Variants in GABRA2 observed in about 807,000 individuals in gnomAD.
The protein encoded by GABRA2 is gamma-aminobutyric acid receptor subunit alpha-2.
A neutral mutation model predicts 48.7 loss-of-function variants in GABRA2; 16 were observed. The ratio of observed to expected loss-of-function variants is 0.33; its 90% CI spans 0.22 to 0.50. The LOEUF (loss-of-function observed/expected upper bound fraction) is 0.50. Ranked by LOEUF, GABRA2 falls within the 20% of genes least tolerant of loss-of-function variation. The pLI, the probability that GABRA2 is intolerant of heterozygous loss-of-function variation, is 0.98. For missense variants in GABRA2, 275 were observed against 535.6 expected (o/e 0.51, Z 4.80); for synonymous variants, 185 against 184.5 (o/e 1.00, Z -0.02).
In GABRA2 at chr4:46,243,612, T is replaced by A. The variant is rs1247264739; in HGVS notation, c.*6696A>T. On this transcript the variant is annotated 3_prime_UTR_variant, in exon 10 of 10. Transcript: ENST00000381620. ...TAGCATTAATTTGCATGTGATTAGT[T>A]AGGAATTTTTTAAACAGCAAGCATG... is the stretch of plus-strand genomic sequence containing the variant. 4 of 151,554 alleles carry A rather than the reference T, an allele frequency of 2.6e-5. No individual in the cohort carries two copies. Among genetic ancestry groups the A allele is most frequent in the African/African-American group, 9.7e-5 (4 of 41,406 alleles). 9.4% of individuals were successfully genotyped at this position (151,554 alleles called of 1,614,324 possible). A position where few individuals can be genotyped will look rare whatever the true frequency, so the allele number is the denominator to read the frequency against.
chr4:46,279,915 A>T (rs1315440353), intron 8 of GABRA2, among the ~76,000 whole-genome samples: 1 of 152,118 alleles, frequency 6.6e-6, no homozygotes, highest in Non-Finnish European at 1.5e-5. Context: ...TAGATTATAT[A>T]AGTAGTACTT....
intron 8 of GABRA2, among the ~76,000 whole-genome samples, chr4:46,270,038 C>T (rs1022095534): frequency 1.3e-5 from 2 of 151,730 alleles, no homozygotes; most frequent in Non-Finnish European, 2.9e-5. Context: ...AATGTAAGCC[C>T]AAATTATGGC....
chr4:46,289,727 T>C (rs73131372), intron 8 of GABRA2, among the ~76,000 whole-genome samples: 7,715 of 151,898 alleles, frequency 0.051, 665 homozygotes, highest in African/African-American at 0.18. Flanking sequence ...ACTAAGAAAA[T>C]CAATTGTCCG....
intron 8 of GABRA2, among the ~76,000 whole-genome samples, chr4:46,271,205 C>T (rs1719267738): frequency 6.6e-6 from 1 of 151,880 alleles, no homozygotes; most frequent in Admixed American, 6.6e-5. Context: ...ATACCACCTG[C>T]TGGTTATTGC....
intron 3 of GABRA2, among the ~76,000 whole-genome samples, chr4:46,359,779 T>C (rs956817080): frequency 6.6e-6 from 1 of 152,006 alleles, no homozygotes; most frequent in African/African-American, 2.4e-5. Context: ...TAGCCGGGCA[T>C]GGAGGTGGGT....
At chr4:46,298,114 C>G (rs1725083837) in intron 8 of GABRA2, among the ~76,000 whole-genome samples, 1 of 152,024 alleles carries the variant, frequency 6.6e-6, no homozygotes, top group African/African-American at 2.4e-5. Context: ...ATTATTTCAA[C>G]CTTCTAAAAT....
intron 3 of GABRA2, among the ~76,000 whole-genome samples, chr4:46,384,400 A>T (rs1236969244): frequency 6.6e-6 from 1 of 152,226 alleles, no homozygotes; most frequent in Non-Finnish European, 1.5e-5. Context: ...AGGTAATGTA[A>T]ATCTCTATTT....
intron 4 of GABRA2, among the ~76,000 whole-genome samples, chr4:46,316,227 C>T (rs1468183051): frequency 6.6e-6 from 1 of 151,844 alleles, no homozygotes; most frequent in Non-Finnish European, 1.5e-5. Context: ...TATTCTTGTT[C>T]AACACTTGTA....
At chr4:46,268,664 T>G in intron 8 of GABRA2, among the ~76,000 whole-genome samples, 1 of 152,048 alleles carries the variant, frequency 6.6e-6, no homozygotes, top group Admixed American at 6.6e-5. Flanking sequence ...AATTACCATA[T>G]GATCCAGCAA....
rs545818341 is a variant in GABRA2, at chr4:46,249,505, T to G, written c.*803A>C. 1 of 151,602 alleles carries G rather than the reference T, an allele frequency of 6.6e-6. No individual in the cohort carries two copies. Among genetic ancestry groups the G allele is most frequent in the African/African-American group, 2.4e-5 (1 of 41,464 alleles). The allele number at this position is 151,602 out of a possible 1,614,324, so 9.4% of individuals were successfully genotyped here. On this transcript the variant is annotated 3_prime_UTR_variant, in exon 10 of 10. Transcript: ENST00000381620. ...GTCTCCAGCACCCGTAAAATTTAGC[T>G]GATCAATTTCAATACAACACATACC... is the stretch of plus-strand genomic sequence containing the variant.
intron 3 of GABRA2, among the ~76,000 whole-genome samples, chr4:46,373,414 C>T (rs1323003074): frequency 1.3e-5 from 2 of 152,160 alleles, no homozygotes; most frequent in African/African-American, 4.8e-5. Context: ...ATATTCTCCT[C>T]ACTACTACAT....
chr4:46,275,756 A>G (rs1472108647), intron 8 of GABRA2, among the ~76,000 whole-genome samples: 4 of 152,126 alleles, frequency 2.6e-5, no homozygotes, highest in African/African-American at 9.7e-5. Flanking sequence ...GATTTCTTAT[A>G]GCTCCTTGAG....
At chr4:46,270,454 G>A (rs1285473854) in intron 8 of GABRA2, among the ~76,000 whole-genome samples, 2 of 151,912 alleles carry the variant, frequency 1.3e-5, no homozygotes, top group Non-Finnish European at 2.9e-5. Flanking sequence ...TACCAACAAT[G>A]TGCATTTTTC....
Position 46,312,597 on chromosome 4 carries a change from A to G in GABRA2, c.375T>C (p.Asp125=). Residue 125 remains aspartate, a synonymous_variant, in exon 5 of 10, where the codon GAT becomes GAC. Coordinates refer to ENST00000381620, the MANE Select transcript of GABRA2 (RefSeq NM_000807.4). ...ATTTTTTCCCATTGTGAAAAAAGGT[A>G]TCTGGAGTCCAGATTTTGCTAGCCA... is the stretch of plus-strand genomic sequence containing the variant. ...NLMASKIWTP[D]TFFHNGKKSV... 1.3e-6 allele frequency: 2 copies of G among 1,593,708 alleles called. No homozygotes were observed. The highest frequency in any genetic ancestry group is 1.1e-5 in the South Asian group (1 of 87,800).
At chr4:46,365,417 C>T (rs1638662452) in intron 3 of GABRA2, 2 of 152,108 alleles carry the variant, frequency 1.3e-5, no homozygotes, top group South Asian at 2.1e-4. Context: ...CATGAACTCT[C>T]TTAGTAAAAA....
At chr4:46,266,284 TAAAC>T (rs1434334102) in intron 8 of GABRA2, among the ~76,000 whole-genome samples, 8 of 147,808 alleles carry the variant, frequency 5.4e-5, no homozygotes, top group Non-Finnish European at 7.5e-5. Flanking sequence ...AATAAGATAG[TAAAC>T]AAATTATTAT....
intron 4 of GABRA2, among the ~76,000 whole-genome samples, chr4:46,327,753 T>G (rs1335526803): frequency 6.6e-6 from 1 of 152,046 alleles, no homozygotes; most frequent in Non-Finnish European, 1.5e-5. Context: ...AAGAAAAGTA[T>G]TAACTGGAGA....
Position 46,264,986 on chromosome 4 carries a change from C to CATATATATATATATATATATATATATAT in GABRA2, c.857-2859_857-2858insATATATATATATATATATATATATATAT, listed in dbSNP as rs72160209. On this transcript the variant is annotated intron_variant, in intron 8 of 9. Transcript: ENST00000381620. ...CAATTGTTCCCAGAATTACTTTATACATATATATATATATATGTATAAAGA... is the reference window on the plus strand; with the variant it reads ...CAATTGTTCCCAGAATTACTTTATACATATATATATATATATATATATATATATATATATATATATATATGTATAAAGA... Among the ~76,000 whole-genome samples the CATATATATATATATATATATATATATAT allele has an allele frequency of 8.9e-3, 960 of 107,332 alleles. 51 individuals are homozygous for CATATATATATATATATATATATATATAT. Among genetic ancestry groups the CATATATATATATATATATATATATATAT allele is most frequent in the South Asian group, 0.013 (31 of 2,314 alleles). The allele number at this position is 107,332 out of a possible 152,430, so 70.4% of individuals were successfully genotyped here.
At chr4:46,375,468 A>G (rs181219840) in intron 3 of GABRA2, among the ~76,000 whole-genome samples, 98 of 152,198 alleles carry the variant, frequency 6.4e-4, no homozygotes, top group African/African-American at 2.3e-3. Flanking sequence ...AAGTTTTTCT[A>G]AAGAAGATAA....
Sources: gnomAD v4.1 joint callset for allele counts (sites outside exome capture counted in the v4.1 genomes callset) on GRCh38, gnomAD v4.1.1 for gene constraint, MANE v1.5 for transcripts, NCBI Gene and HGNC (gene_info 2026-07-23, HGNC 2026-07-21) for gene names.